The following RBFOX1 variants were observed in gnomAD, a reference collection of about 807,000 sequenced individuals.
RBFOX1 encodes RNA binding protein fox-1 homolog 1.
A neutral mutation model predicts 57.7 loss-of-function variants in RBFOX1; 8 were observed. The ratio of observed to expected loss-of-function variants is 0.14; its 90% confidence interval spans 0.08 to 0.25. RBFOX1 has a LOEUF of 0.25. RBFOX1 is among the 10% of genes least tolerant of loss of function. The pLI is 1.00. For missense variants in RBFOX1, 611 were observed against 548.5 expected, an observed-to-expected ratio of 1.11 and a Z score of -1.14; for synonymous variants, 326 against 222.4, an observed-to-expected ratio of 1.47 and a Z score of -4.15.
chr16:6,274,104 A>G (rs975131250), intron 1 of RBFOX1, among the ~76,000 whole-genome samples: 1 of 152,200 alleles, frequency 6.6e-6, no homozygotes, highest in Non-Finnish European at 1.5e-5. Context: ...GAGGATGTCA[A>G]ATGATACATT....
At chr16:5,866,751 G>C (rs1244291549) in intron 3 of RBFOX1, among the ~76,000 whole-genome samples, 2 of 152,134 alleles carry the variant, frequency 1.3e-5, no homozygotes, top group African/African-American at 4.8e-5. Flanking sequence ...ATGAAATGGG[G>C]TCATAAAAGT....
At chr16:6,880,692 A>T (rs971783951) in intron 3 of RBFOX1, among the ~76,000 whole-genome samples, 46 of 152,370 alleles carry the variant, frequency 3.0e-4, no homozygotes, top group African/African-American at 1.1e-3. Context: ...ACTGAGCTGT[A>T]TGATGTTCCA....
intron 4 of RBFOX1, among the ~76,000 whole-genome samples, chr16:7,308,135 C>G (rs1305948545): frequency 1.3e-5 from 2 of 152,090 alleles, no homozygotes; most frequent in East Asian, 1.9e-4. Flanking sequence ...TGCATGGACA[C>G]ACAGGACACA....
At chr16:5,836,252 C>G (rs549027288) in intron 3 of RBFOX1, among the ~76,000 whole-genome samples, 1 of 152,226 alleles carries the variant, frequency 6.6e-6, no homozygotes, top group African/African-American at 2.4e-5. Context: ...AACCTAAAGG[C>G]TTGAGACCCT....
chr16:6,768,443 A>G (rs534253885), intron 3 of RBFOX1, among the ~76,000 whole-genome samples: 21 of 152,152 alleles, frequency 1.4e-4, no homozygotes, highest in African/African-American at 4.6e-4. Context: ...GCAGAGAGAG[A>G]GGGAAAATTC....
chr16:7,248,702 A>G (rs2094401568), intron 4 of RBFOX1, among the ~76,000 whole-genome samples: 1 of 152,196 alleles, frequency 6.6e-6, no homozygotes, highest in Non-Finnish European at 1.5e-5. Flanking sequence ...AGAAAATTAG[A>G]GTTGCATGTT....
intron 3 of RBFOX1, among the ~76,000 whole-genome samples, chr16:6,952,951 G>T (rs1410668218): frequency 6.6e-6 from 1 of 151,924 alleles, no homozygotes; most frequent in Admixed American, 6.6e-5. Flanking sequence ...CCAGCCTGGG[G>T]GACAGAGCAA....
At chr16:7,216,178 C>G (rs1479091320) in intron 4 of RBFOX1, among the ~76,000 whole-genome samples, 1 of 152,146 alleles carries the variant, frequency 6.6e-6, no homozygotes, top group Non-Finnish European at 1.5e-5. Flanking sequence ...TACCTCTTTA[C>G]TAGTTGGTAG....
chr16:7,108,754 C>G (rs1409855169), intron 4 of RBFOX1, among the ~76,000 whole-genome samples: 2 of 152,182 alleles, frequency 1.3e-5, no homozygotes, highest in Non-Finnish European at 1.5e-5. Context: ...CTTGGAGATA[C>G]ACTCACCCCT....
At chr16:5,605,861 G>A (rs2047557189) in intron 3 of RBFOX1, among the ~76,000 whole-genome samples, 1 of 152,150 alleles carries the variant, frequency 6.6e-6, no homozygotes, top group Admixed American at 6.5e-5. Flanking sequence ...AACAGGAGGG[G>A]AGAGTGCCAA....
chr16:5,628,105 G>C (rs1469760341), intron 3 of RBFOX1, among the ~76,000 whole-genome samples: 1 of 152,146 alleles, frequency 6.6e-6, no homozygotes, highest in African/African-American at 2.4e-5. Flanking sequence ...ACCCCAATTA[G>C]TAAAAATGTT....
chr16:7,155,742 CA>C, intron 4 of RBFOX1, among the ~76,000 whole-genome samples: 1 of 103,874 alleles, frequency 9.6e-6, no homozygotes, highest in Non-Finnish European at 1.9e-5. Context: ...TATATATACA[CA>C]CACACACACA....
At chr16:5,458,079 T>C (rs2068684326) in intron 1 of RBFOX1, among the ~76,000 whole-genome samples, 1 of 152,246 alleles carries the variant, frequency 6.6e-6, no homozygotes, top group Admixed American at 6.5e-5. Context: ...GGAGATCATT[T>C]GTGTAAATCA....
chr16:5,796,870 A>C (rs921812956), intron 3 of RBFOX1, among the ~76,000 whole-genome samples: 1 of 152,164 alleles, frequency 6.6e-6, no homozygotes, highest in Non-Finnish European at 1.5e-5. Flanking sequence ...TCATTCATCA[A>C]TTCATTGTTT....
At chr16:5,909,129 G>C (rs1406941378) in intron 4 of RBFOX1, among the ~76,000 whole-genome samples, 3 of 115,928 alleles carry the variant, frequency 2.6e-5, no homozygotes, top group Non-Finnish European at 4.9e-5. Context: ...GTCTTGCTGT[G>C]TCACCTAGGC....
chr16:5,805,877 A>G (rs138782802), intron 3 of RBFOX1, among the ~76,000 whole-genome samples: 1 of 152,170 alleles, frequency 6.6e-6, no homozygotes, highest in Admixed American at 6.5e-5. Context: ...ATCCATCAAT[A>G]TGGTTTCAGG....
At chr16:7,105,231 A>T (rs947776993) in intron 4 of RBFOX1, among the ~76,000 whole-genome samples, 4 of 151,520 alleles carry the variant, frequency 2.6e-5, no homozygotes, top group Non-Finnish European at 5.9e-5. Flanking sequence ...GGTCTGGGTC[A>T]CATGGCAACC....
At chr16:7,416,286 C>T (rs375191026) in intron 4 of RBFOX1, among the ~76,000 whole-genome samples, 1 of 152,206 alleles carries the variant, frequency 6.6e-6, no homozygotes, top group African/African-American at 2.4e-5. Flanking sequence ...CTACTCTGTG[C>T]CCGGAATCCA....
chr16:5,907,932 G>T (rs1053588221), intron 4 of RBFOX1, among the ~76,000 whole-genome samples: 1 of 151,716 alleles, frequency 6.6e-6, no homozygotes, highest in Non-Finnish European at 1.5e-5. Flanking sequence ...TTTACTGTTA[G>T]TAGAGACTGG....
Sources: gnomAD v4.1 joint callset for allele counts (sites outside exome capture counted in the v4.1 genomes callset) on GRCh38, gnomAD v4.1.1 for gene constraint, MANE v1.5 for transcripts, NCBI Gene and HGNC (gene_info 2026-07-23, HGNC 2026-07-21) for gene names.